Variants in STUM observed in about 807,000 individuals in gnomAD.
STUM encodes the protein stum, mechanosensory transduction mediator homolog, also known as protein stum homolog.
In STUM, 8 loss-of-function variants were observed where a neutral mutation model predicts 15.3. The ratio of observed to expected loss-of-function variants is 0.52; its 90% confidence interval spans 0.31 to 0.94. STUM has a LOEUF of 0.94. Among genes scored for constraint, STUM ranks in the 40% least tolerant of loss-of-function variants. STUM has a pLI of 0.05. For missense variants in STUM, 142 were observed against 204.9 expected, an observed-to-expected ratio of 0.69 and a Z score of 1.87; for synonymous variants, 78 against 88.7, an observed-to-expected ratio of 0.88 and a Z score of 0.68.
In STUM at chr1:226,549,640, C is replaced by G. The variant is rs1667337874; in HGVS notation, c.202+534C>G. Among the ~76,000 whole-genome samples the G allele has an allele frequency of 6.6e-6, 1 of 152,294 alleles. No homozygotes were observed. Among genetic ancestry groups the G allele is most frequent in the South Asian group, 2.1e-4 (1 of 4,822 alleles). On this transcript the variant is annotated intron_variant, in intron 1 of 3. Coordinates refer to ENST00000366788, the MANE Select transcript of STUM (RefSeq NM_001003665.4). This position sits in a 1 kb window ranked among gnomAD's most constrained non-coding sequence, Gnocchi z 6.8. Reference sequence around the variant, plus strand: ...TCGCGGAGTGCGGACCGCGTGGGGACGAGAACTCTAGCCAGAGTCTCCTCC... The same window carrying G: ...TCGCGGAGTGCGGACCGCGTGGGGAGGAGAACTCTAGCCAGAGTCTCCTCC...
At chr1:226,575,828 C>A (rs981446366) in intron 1 of STUM, among the ~76,000 whole-genome samples, 1 of 152,348 alleles carries the variant, frequency 6.6e-6, no homozygotes, top group South Asian at 2.1e-4. Context: ...CTTTCACATC[C>A]GCAGAGCCTT....
At chr1:226,595,505 T>A (rs1668164392) in intron 1 of STUM, among the ~76,000 whole-genome samples, 1 of 152,176 alleles carries the variant, frequency 6.6e-6, no homozygotes, top group African/African-American at 2.4e-5. Context: ...TCTCTGTGTG[T>A]GTAAGAGTGT....
At chr1:226,592,880 C>T (rs1219782472) in intron 1 of STUM, among the ~76,000 whole-genome samples, 2 of 152,246 alleles carry the variant, frequency 1.3e-5, no homozygotes, top group Non-Finnish European at 2.9e-5. Flanking sequence ...TTTCCCATCT[C>T]AGACACTTTA....
In STUM at chr1:226,549,647, T is replaced by G. The variant is rs570797252; in HGVS notation, c.202+541T>G. Reference sequence around the variant, plus strand: ...GTGCGGACCGCGTGGGGACGAGAACTCTAGCCAGAGTCTCCTCCGCCTCAT... The same window carrying G: ...GTGCGGACCGCGTGGGGACGAGAACGCTAGCCAGAGTCTCCTCCGCCTCAT... On this transcript the variant is annotated intron_variant, in intron 1 of 3. Coordinates refer to ENST00000366788, the MANE Select transcript of STUM (RefSeq NM_001003665.4). The surrounding 1 kb of genome is among the most constrained non-coding windows in gnomAD (Gnocchi z 6.8). Among the ~76,000 whole-genome samples the G allele has an allele frequency of 1.1e-3, 172 of 152,278 alleles. No homozygotes were observed. Among genetic ancestry groups the G allele is most frequent in the African/African-American group, 3.4e-3 (143 of 41,568 alleles).
At chr1:226,594,723 T>G (rs1668148681) in intron 1 of STUM, among the ~76,000 whole-genome samples, 1 of 152,180 alleles carries the variant, frequency 6.6e-6, no homozygotes, top group African/African-American at 2.4e-5. Flanking sequence ...GGCACGATCT[T>G]GGCTCACTGC....
intron 1 of STUM, among the ~76,000 whole-genome samples, chr1:226,572,532 C>T (rs1281901395): frequency 7.2e-5 from 11 of 152,084 alleles, no homozygotes; most frequent in East Asian, 3.9e-4. Context: ...GATGAGCAGA[C>T]GGAGCAGAGG....
At chr1:226,582,305 A>G (rs1331172520) in intron 1 of STUM, among the ~76,000 whole-genome samples, 1 of 152,258 alleles carries the variant, frequency 6.6e-6, no homozygotes, top group East Asian at 1.9e-4. Context: ...TTAAGACACC[A>G]GTATGGGCTG....
At chr1:226,587,816 T>A (rs1164624617) in intron 1 of STUM, among the ~76,000 whole-genome samples, 1 of 152,056 alleles carries the variant, frequency 6.6e-6, no homozygotes, top group Non-Finnish European at 1.5e-5. Context: ...CCATAATAAA[T>A]CCACTCTCCC....
intron 1 of STUM, among the ~76,000 whole-genome samples, chr1:226,592,923 C>T (rs567664589): frequency 9.4e-4 from 143 of 152,258 alleles, no homozygotes; most frequent in African/African-American, 2.8e-3. Flanking sequence ...CGGTGGCTCG[C>T]GCCTGTAATC....
At position 226,549,141 on chromosome 1, in the gene STUM, A is replaced by C. The variant is rs755911000; in HGVS notation, c.202+35A>C. The C allele has an allele frequency of 3.3e-5, 50 of 1,524,408 alleles. No homozygotes were observed. The Middle Eastern group carries it at 9.2e-4, about 28-fold the overall frequency. The allele number at this position is 1,524,408 out of a possible 1,614,324, so 94.4% of individuals were successfully genotyped here. A position where few individuals can be genotyped will look rare whatever the true frequency, so the allele number is the denominator to read the frequency against. ...GGCTGCCGCGACCCTTGCGACCCCC[A>C]CCCCGCCGCGGGAGGGCGTGGGGGG... On this transcript the variant is annotated intron_variant, in intron 1 of 3. Transcript: ENST00000366788. This position sits in a 1 kb window ranked among gnomAD's most constrained non-coding sequence, Gnocchi z 6.8.
At chr1:226,564,868 G>A (rs576287475) in intron 1 of STUM, among the ~76,000 whole-genome samples, 104 of 152,170 alleles carry the variant, frequency 6.8e-4, no homozygotes, top group Non-Finnish European at 9.4e-4. Context: ...CATGCATTCC[G>A]GTTCTGAATG....
chr1:226,584,360 T>C (rs1371312978), intron 1 of STUM, among the ~76,000 whole-genome samples: 2 of 152,252 alleles, frequency 1.3e-5, no homozygotes. Flanking sequence ...CAGCAGTTTG[T>C]TAAGGCCTGA....
intron 1 of STUM, among the ~76,000 whole-genome samples, chr1:226,559,646 T>C (rs1192764073): frequency 6.6e-6 from 1 of 152,192 alleles, no homozygotes; most frequent in East Asian, 1.9e-4. Flanking sequence ...GTTATTGAGA[T>C]GTGTTTACAT....
intron 1 of STUM, among the ~76,000 whole-genome samples, chr1:226,566,117 A>G (rs946142715): frequency 6.6e-6 from 1 of 152,178 alleles, no homozygotes; most frequent in Admixed American, 6.5e-5. Context: ...TGGAATCCTC[A>G]GTTGCGTGGT....
chr1:226,559,655 A>G (rs1436121824), intron 1 of STUM, among the ~76,000 whole-genome samples: 1 of 152,210 alleles, frequency 6.6e-6, no homozygotes, highest in African/African-American at 2.4e-5. Context: ...ATGTGTTTAC[A>G]TACTACACAA....
intron 1 of STUM, among the ~76,000 whole-genome samples, chr1:226,573,891 G>A (rs1667762064): frequency 6.6e-6 from 1 of 151,118 alleles, no homozygotes; most frequent in Non-Finnish European, 1.5e-5. Flanking sequence ...CTGGGGTGCA[G>A]TGGTGTGATC....
rs1668373779 is a variant in STUM, at chr1:226,607,068, G to A, written c.*5028G>A. 6.6e-6 allele frequency: 1 copy of A among 152,470 alleles called. No homozygotes were observed. The highest frequency in any genetic ancestry group is 1.5e-5 in the Non-Finnish European group (1 of 68,222). 9.4% of individuals were successfully genotyped at this position (152,470 alleles called of 1,614,324 possible). ...CTCCCTCCTGAGAGCTCTGTGCACT[G>A]GGTTTGGGGATGAGGCGCCAGCCTG... On this transcript the variant is annotated 3_prime_UTR_variant, in exon 4 of 4. Coordinates refer to ENST00000366788, the MANE Select transcript of STUM (RefSeq NM_001003665.4).
intron 1 of STUM, among the ~76,000 whole-genome samples, chr1:226,573,838 CTTT>C (rs148074401): frequency 1.4e-5 from 2 of 143,092 alleles, no homozygotes. Context: ...GTACAATATA[CTTT>C]TTTTTTTTTT....
At chr1:226,577,926 G>A (rs143800914) in intron 1 of STUM, among the ~76,000 whole-genome samples, 1 of 152,322 alleles carries the variant, frequency 6.6e-6, no homozygotes, top group African/African-American at 2.4e-5. Flanking sequence ...CACTAGCCCA[G>A]GCAGGTGGGA....
Sources: allele counts gnomAD v4.1 joint callset (sites outside exome capture counted in the v4.1 genomes callset), GRCh38; gene constraint gnomAD v4.1.1; non-coding constraint Gnocchi (gnomAD v3.1); transcripts MANE v1.5; gene names NCBI Gene and HGNC (gene_info 2026-07-23, HGNC 2026-07-21).